The following CNOT10 variants were observed in gnomAD, a reference collection of about 807,000 sequenced individuals.
CNOT10 encodes the protein CCR4-NOT transcription complex, subunit 10.
Under a neutral mutation model 94.6 loss-of-function variants are expected in CNOT10, and 30 were observed. That is an observed-to-expected ratio of 0.32 (90% CI 0.24 to 0.43). CNOT10 has a LOEUF of 0.43. CNOT10 is among the 20% of genes least tolerant of loss of function. CNOT10 has a pLI of 1.00. For missense variants in CNOT10, 759 were observed against 877.2 expected (o/e 0.87, Z 1.70); for synonymous variants, 289 against 301.6 (o/e 0.96, Z 0.43).
At chr3:32,694,471 A>T (rs1370747429) in intron 1 of CNOT10, among the ~76,000 whole-genome samples, 2 of 152,218 alleles carry the variant, frequency 1.3e-5, no homozygotes, top group Admixed American at 1.3e-4. Context: ...AGTCTTTTCT[A>T]TGCATAAAAA....
chr3:32,768,524 A>G (rs1700751677), intron 17 of CNOT10, among the ~76,000 whole-genome samples: 1 of 152,088 alleles, frequency 6.6e-6, no homozygotes, highest in South Asian at 2.1e-4. Context: ...CGGAGGTTGC[A>G]GTGAGCCTAG....
chr3:32,762,051 A>C (rs1422788013), intron 14 of CNOT10, among the ~76,000 whole-genome samples: 1 of 150,794 alleles, frequency 6.6e-6, no homozygotes, highest in Non-Finnish European at 1.5e-5. Context: ...GATTACAGGC[A>C]TGAGCCACCA....
chr3:32,728,046 G>T (rs1170239435), intron 10 of CNOT10, among the ~76,000 whole-genome samples, 176 bp downstream of exon 10: 1 of 150,858 alleles, frequency 6.6e-6, no homozygotes, highest in Non-Finnish European at 1.5e-5. Flanking sequence ...GCCCAGGCTG[G>T]AGTGCAATGT....
At chr3:32,713,521 T>C (rs1697979900) in intron 5 of CNOT10, 152 bp downstream of exon 5, 1 of 628,626 alleles carries the variant, frequency 1.6e-6, no homozygotes, top group Non-Finnish European at 2.6e-6. Context: ...TTTCATATTA[T>C]AAGCTTTACC....
At chr3:32,695,322 C>G (rs1316395868) in intron 1 of CNOT10, among the ~76,000 whole-genome samples, 1 of 151,868 alleles carries the variant, frequency 6.6e-6, no homozygotes, top group East Asian at 1.9e-4. Flanking sequence ...GAAGTGGCAT[C>G]CTTCTTAAGA....
At chr3:32,704,083 G>T in intron 2 of CNOT10, 121 bp downstream of exon 2, 1 of 556,122 alleles carries the variant, frequency 1.8e-6, no homozygotes, top group Non-Finnish European at 3.1e-6. Flanking sequence ...TTAATTTAGA[G>T]ATAAGTAGGT....
At chr3:32,737,373 T>C (rs1041833484) in intron 12 of CNOT10, 37 bp from the exon 13 acceptor site, 1 of 1,384,316 alleles carries the variant, frequency 7.2e-7, no homozygotes, top group African/African-American at 1.5e-5. Context: ...TATTTATTTG[T>C]TGCTCTTCAT....
rs563420510 is a variant in CNOT10, at chr3:32,698,975, G to A, written c.23-4893G>A. Among the ~76,000 whole-genome samples the A allele has an allele frequency of 2.0e-5, 3 of 152,114 alleles. No homozygotes were observed. The South Asian group carries it at 6.2e-4, about 32-fold the overall frequency. ...TAATTTTTGTATTTTTTGTAGAGAC[G>A]GGGTTTCACCATGCTGCCCAGACTG... On this transcript the variant is annotated intron_variant, in intron 1 of 18. Transcript: ENST00000328834.
intron 11 of CNOT10, 133 bp from the exon 12 acceptor site, chr3:32,734,667 G>T: frequency 2.9e-6 from 2 of 685,104 alleles, no homozygotes; most frequent in African/African-American, 1.8e-5. Flanking sequence ...TTTTATAACT[G>T]CTTATATTAA....
intron 13 of CNOT10, among the ~76,000 whole-genome samples, chr3:32,741,990 T>A (rs199912417): frequency 0.019 from 2,943 of 151,952 alleles, 48 homozygotes; most frequent in East Asian, 0.047. Flanking sequence ...TTTATTTTAT[T>A]TTTTTGCCAG....
At chr3:32,718,745 A>T (rs1198067187) in intron 7 of CNOT10, among the ~76,000 whole-genome samples, 1 of 152,118 alleles carries the variant, frequency 6.6e-6, no homozygotes, top group Non-Finnish European at 1.5e-5. Flanking sequence ...TTCTTTAGTG[A>T]CCAGAACTTT....
At chr3:32,709,882 C>G (rs921497030) in intron 4 of CNOT10, among the ~76,000 whole-genome samples, 5 of 152,148 alleles carry the variant, frequency 3.3e-5, no homozygotes, top group Non-Finnish European at 7.3e-5. Context: ...CGCAGTGGCT[C>G]ACGCCTGTAA....
chr3:32,724,537 C>T lies in CNOT10; in HGVS notation c.863-913C>T, dbSNP rs956106708. Among the ~76,000 whole-genome samples, 16 of 152,042 alleles carry T rather than the reference C, an allele frequency of 1.1e-4. No individual in the cohort carries two copies. In the South Asian group the frequency reaches 3.1e-3, roughly 30 times the overall value. On this transcript the variant is annotated intron_variant, in intron 8 of 18. Coordinates refer to ENST00000328834, the MANE Select transcript of CNOT10 (RefSeq NM_015442.3). ...CCGCCATTCTCCTGCCTCAGCCTCC[C>T]GAGTAGCTGGGACTACACGCGCCCG...
rs61077906 is a variant in CNOT10 at position 32,749,405 on chromosome 3, ATTTTTTTTTTTT to A, written c.1596-10043_1596-10032del. On this transcript the variant is annotated intron_variant, in intron 13 of 18. Coordinates refer to ENST00000328834, the MANE Select transcript of CNOT10 (RefSeq NM_015442.3). ...TAGGTCTTTGATCCATGTTGAGTTA[ATTTTTTTTTTTT>A]TTTTTTTTTGAGACTGAGTTTTGCT... Among the ~76,000 whole-genome samples the A allele has an allele frequency of 5.2e-5, 5 of 96,306 alleles. 1 individual carries two copies. The highest frequency in any genetic ancestry group is 4.7e-4 in the Admixed American group (4 of 8,492). 63.2% of individuals were successfully genotyped at this position (96,306 alleles called of 152,430 possible). A position where few individuals can be genotyped will look rare whatever the true frequency, so the allele number is the denominator to read the frequency against.
At chr3:32,721,683 G>A (rs1311022160) in intron 8 of CNOT10, among the ~76,000 whole-genome samples, 1 of 138,076 alleles carries the variant, frequency 7.2e-6, no homozygotes, top group African/African-American at 2.7e-5. Flanking sequence ...GTCTCCCTCC[G>A]TCGCCCAGGC....
rs544850459 is a variant in CNOT10, at chr3:32,771,876, A to G, written c.2081-1581A>G. 3.3e-5 allele frequency among the ~76,000 whole-genome samples: 5 copies of G among 152,336 alleles called. No individual in the cohort carries two copies. The East Asian group carries it at 9.6e-4, about 29-fold the overall frequency. ...TTATACACCATAGTATTTTGAACAC[A>G]TATTAACAAGTTTTACAGTAAGCCA... On this transcript the variant is annotated intron_variant, in intron 18 of 18. Coordinates refer to ENST00000328834, the MANE Select transcript of CNOT10 (RefSeq NM_015442.3).
chr3:32,745,363 G>A (rs1699645495), intron 13 of CNOT10, among the ~76,000 whole-genome samples: 1 of 152,088 alleles, frequency 6.6e-6, no homozygotes, highest in South Asian at 2.1e-4. Context: ...TTTGGAACCT[G>A]TGGATTCCAA....
chr3:32,720,511 T>C (rs1698322700), intron 8 of CNOT10, among the ~76,000 whole-genome samples: 1 of 150,238 alleles, frequency 6.7e-6, no homozygotes, highest in African/African-American at 2.5e-5. Flanking sequence ...TATTTTATTT[T>C]ATTTTATTTT....
intron 13 of CNOT10, among the ~76,000 whole-genome samples, chr3:32,738,375 G>T (rs1455128037): frequency 6.6e-6 from 1 of 151,934 alleles, no homozygotes; most frequent in Non-Finnish European, 1.5e-5. Flanking sequence ...ATGCACCAGT[G>T]AAACCATCTA....
Sources: allele counts gnomAD v4.1 joint callset (sites outside exome capture counted in the v4.1 genomes callset), GRCh38; gene constraint gnomAD v4.1.1; transcripts MANE v1.5; gene names NCBI Gene and HGNC (gene_info 2026-07-23, HGNC 2026-07-21).